NFIX: variants seen among roughly 807,000 people sequenced by gnomAD.
NFIX encodes the protein nuclear factor 1 X-type.
Under a neutral mutation model 53.3 loss-of-function variants are expected in NFIX, and 2 were observed. The ratio of observed to expected loss-of-function variants is 0.04; its 90% CI spans 0.02 to 0.12. NFIX has a LOEUF of 0.12. Ranked by LOEUF, NFIX falls within the 10% of genes least tolerant of loss-of-function variation. The pLI is 1.00. For missense variants in NFIX, 310 were observed against 674.5 expected (o/e 0.46, Z 5.99); for synonymous variants, 244 against 289.0 (o/e 0.84, Z 1.58).
rs900708330 is a variant in NFIX at position 13,045,003 on chromosome 19, G to A, written c.559+19451G>A. ...CACTGCAGGCTGTGGGATGACACGG[G>A]ATGACTGCAGTACTGAGGATGGTGA... On this transcript the variant is annotated intron_variant, in intron 2 of 10. Coordinates refer to ENST00000592199, the MANE Select transcript of NFIX (RefSeq NM_001365902.3). The surrounding 1 kb of genome is among the most constrained non-coding windows in gnomAD (Gnocchi z 4.4). Among the ~76,000 whole-genome samples the A allele has an allele frequency of 6.6e-6, 1 of 152,186 alleles. No homozygotes were observed. The highest frequency in any genetic ancestry group is 2.4e-5 in the African/African-American group (1 of 41,430).
In NFIX at chr19:13,098,717, C is replaced by G. The variant is rs2145559448; in HGVS notation, c.*4068C>G. 1 of 145,972 alleles carries G rather than the reference C, an allele frequency of 6.9e-6. No individual in the cohort carries two copies. The highest frequency in any genetic ancestry group is 2.5e-5 in the African/African-American group (1 of 40,234). 9.0% of individuals were successfully genotyped at this position (145,972 alleles called of 1,614,324 possible). Reference sequence around the variant, plus strand: ...CGTCACTGCGCTTCTGTTATACCATCTTTGCCTGACTCTCTCCGGCTTCTC... The same window carrying G: ...CGTCACTGCGCTTCTGTTATACCATGTTTGCCTGACTCTCTCCGGCTTCTC... On this transcript the variant is annotated 3_prime_UTR_variant, in exon 11 of 11. Transcript: ENST00000592199.
intron 8 of NFIX, among the ~76,000 whole-genome samples, chr19:13,087,774 C>CAAAAAAAAA (rs1157966190): frequency 7.6e-5 from 2 of 26,392 alleles, no homozygotes; most frequent in East Asian, 1.3e-3. Flanking sequence ...AAAAGAGGAC[C>CAAAAAAAAA]AAAAAAAAAA....
intron 8 of NFIX, among the ~76,000 whole-genome samples, chr19:13,087,704 T>C (rs185801096): frequency 6.7e-6 from 1 of 149,928 alleles, no homozygotes; most frequent in East Asian, 2.0e-4. Context: ...ACCTAAAACA[T>C]TTTCCCTAAG....
chr19:13,038,473 C>G (rs895748207), intron 2 of NFIX, among the ~76,000 whole-genome samples: 1 of 152,144 alleles, frequency 6.6e-6, no homozygotes, highest in African/African-American at 2.4e-5. Flanking sequence ...CTCTGCCACC[C>G]AAAGAAGCTT....
At chr19:13,008,269 C>T (rs1397201233) in intron 1 of NFIX, among the ~76,000 whole-genome samples, 2 of 152,188 alleles carry the variant, frequency 1.3e-5, no homozygotes, top group East Asian at 1.9e-4. Flanking sequence ...CACAGAGGGA[C>T]ACTATGGACT....
At chr19:13,054,182 C>T (rs947021635) in intron 2 of NFIX, among the ~76,000 whole-genome samples, 1 of 152,222 alleles carries the variant, frequency 6.6e-6, no homozygotes, top group Non-Finnish European at 1.5e-5. Context: ...GGGAAACTCC[C>T]AGGAGCTTGG....
At chr19:13,082,675 C>A (rs2017540816) in intron 8 of NFIX, 1 of 152,164 alleles carries the variant, frequency 6.6e-6, no homozygotes, top group Admixed American at 6.5e-5. Flanking sequence ...AGAGATGACC[C>A]TTCAGTGGGA....
intron 1 of NFIX, chr19:13,023,937 T>TCCCC: frequency 4.0e-6 from 1 of 247,762 alleles, no homozygotes; most frequent in South Asian, 2.9e-5. Context: ...CTGCTCCTCC[T>TCCCC]CCTCCCCCCT....
intron 6 of NFIX, among the ~76,000 whole-genome samples, chr19:13,076,971 C>T (rs2017142103): frequency 6.6e-6 from 1 of 152,126 alleles, no homozygotes; most frequent in Admixed American, 6.5e-5. Flanking sequence ...CCAGGCTCTC[C>T]TCGTGGCAGG....
In NFIX at chr19:13,051,019, C is replaced by A. The variant is rs1181925449; in HGVS notation, c.560-22028C>A. 6.6e-6 allele frequency among the ~76,000 whole-genome samples: 1 copy of A among 152,230 alleles called. No individual in the cohort carries two copies. Among genetic ancestry groups the A allele is most frequent in the Non-Finnish European group, 1.5e-5 (1 of 68,036 alleles). On this transcript the variant is annotated intron_variant, in intron 2 of 10. Transcript: ENST00000592199. This position sits in a 1 kb window ranked among gnomAD's most constrained non-coding sequence, Gnocchi z 5.1. Reference sequence around the variant, plus strand: ...CAGCCTCCAGGTCCCGGGAGAAAAGCATAGTTGCTACCCTGGTGTTGTTGG... The same window carrying A: ...CAGCCTCCAGGTCCCGGGAGAAAAGAATAGTTGCTACCCTGGTGTTGTTGG...
At chr19:13,050,225 C>T (rs1216345311) in intron 2 of NFIX, among the ~76,000 whole-genome samples, 1 of 152,234 alleles carries the variant, frequency 6.6e-6, no homozygotes, top group Non-Finnish European at 1.5e-5. Context: ...TCCTATACTG[C>T]ATATTCCAGC....
Position 13,094,775 on chromosome 19 carries a change from C to T in NFIX, c.*126C>T, listed in dbSNP as rs1306691972. On this transcript the variant is annotated 3_prime_UTR_variant, in exon 11 of 11. Transcript: ENST00000592199. This position sits in a 1 kb window ranked among gnomAD's most constrained non-coding sequence, Gnocchi z 4.3. ...CCACCGAAAAGCAAAAATTACACGTCGTCAGCCACTCAGCCCTTCTCTCCT... is the reference window on the plus strand; with the variant it reads ...CCACCGAAAAGCAAAAATTACACGTTGTCAGCCACTCAGCCCTTCTCTCCT... 7 of 1,014,878 alleles carry T rather than the reference C, an allele frequency of 6.9e-6. No individual in the cohort carries two copies. Among genetic ancestry groups the T allele is most frequent in the Non-Finnish European group, 1.0e-5 (7 of 686,620 alleles). The allele number at this position is 1,014,878 out of a possible 1,614,324, so 62.9% of individuals were successfully genotyped here.
chr19:13,024,072 CAG>C (rs945171781), intron 1 of NFIX: 4 of 772,318 alleles, frequency 5.2e-6, no homozygotes, highest in African/African-American at 4.4e-5. Context: ...TTTTTGTAAA[CAG>C]AAATCAATTA....
intron 2 of NFIX, among the ~76,000 whole-genome samples, chr19:13,026,122 G>C (rs1046559062): frequency 1.3e-5 from 2 of 152,174 alleles, no homozygotes; most frequent in African/African-American, 4.8e-5. Context: ...AGATTCTGTG[G>C]CCTAAATACT....
intron 2 of NFIX, among the ~76,000 whole-genome samples, chr19:13,065,078 C>T (rs2016320349): frequency 6.6e-6 from 1 of 152,072 alleles, no homozygotes; most frequent in Non-Finnish European, 1.5e-5. Flanking sequence ...TGCTGGCCAC[C>T]CACCTCCTTC....
intron 8 of NFIX, 187 bp downstream of exon 8, chr19:13,082,042 G>A (rs1370372190): frequency 1.5e-5 from 10 of 648,040 alleles, no homozygotes. Flanking sequence ...ATTATGCCAG[G>A]GCTTGTCTAT....
intron 1 of NFIX, 100 bp downstream of exon 1, chr19:12,995,964 G>T (rs563903548): frequency 2.9e-5 from 12 of 412,164 alleles, no homozygotes; most frequent in Non-Finnish European, 3.2e-5. Flanking sequence ...GGGAAGGGGG[G>T]GCCGAGAGCC....
At chr19:13,082,003 T>A (rs2017499593) in intron 8 of NFIX, 148 bp downstream of exon 8, 1 of 859,192 alleles carries the variant, frequency 1.2e-6, no homozygotes, top group Non-Finnish European at 1.8e-6. Flanking sequence ...ACGCCTCGAT[T>A]TTCTGGGTCT....
rs2016805877 is a variant in NFIX at position 13,072,036 on chromosome 19, C to T, written c.560-1011C>T. Among the ~76,000 whole-genome samples the T allele has an allele frequency of 1.3e-5, 2 of 152,344 alleles. No homozygotes were observed. The highest frequency in any genetic ancestry group is 2.1e-4 in the South Asian group (1 of 4,834). On this transcript the variant is annotated intron_variant, in intron 2 of 10. Coordinates refer to ENST00000592199, the MANE Select transcript of NFIX (RefSeq NM_001365902.3). This position sits in a 1 kb window ranked among gnomAD's most constrained non-coding sequence, Gnocchi z 4.0. Reference sequence around the variant, plus strand: ...CAAAGCCCTGGCCAATACCAAGGCACGTTTTTCAGATGCCACCCCCATGTG... The same window carrying T: ...CAAAGCCCTGGCCAATACCAAGGCATGTTTTTCAGATGCCACCCCCATGTG...
Sources: gnomAD v4.1 joint callset for allele counts (sites outside exome capture counted in the v4.1 genomes callset) on GRCh38, gnomAD v4.1.1 for gene constraint, Gnocchi (gnomAD v3.1) non-coding constraint, MANE v1.5 for transcripts, NCBI Gene and HGNC (gene_info 2026-07-23, HGNC 2026-07-21) for gene names.